CCDC3: variants seen among roughly 807,000 people sequenced by gnomAD.
CCDC3 encodes the protein coiled-coil domain containing 3.
CCDC3 carries 24 observed loss-of-function variants against 21.4 expected under a neutral mutation model. The observed-to-expected ratio is 1.12, with a 90% confidence interval of 0.81 to 1.58. The LOEUF is 1.58. Among genes scored for constraint, CCDC3 ranks in the 40% most tolerant of loss-of-function variants. The probability of loss-of-function intolerance (pLI) is 0.00; values close to 1 mark genes in which losing one functional copy is unlikely to be tolerated. For missense variants in CCDC3, 425 were observed against 360.9 expected, an observed-to-expected ratio of 1.18 and a Z score of -1.44; for synonymous variants, 186 against 166.0, an observed-to-expected ratio of 1.12 and a Z score of -0.93.
intron 5 of CCDC3, among the ~76,000 whole-genome samples, chr10:13,039,389 C>T (rs1836419999): frequency 6.6e-6 from 1 of 150,972 alleles, no homozygotes; most frequent in Non-Finnish European, 1.5e-5. Flanking sequence ...TGCCACTGCA[C>T]TCCAGCCTGG....
intron 2 of CCDC3, among the ~76,000 whole-genome samples, chr10:12,937,551 C>A (rs1371061493): frequency 2.0e-5 from 3 of 152,128 alleles, no homozygotes; most frequent in Non-Finnish European, 4.4e-5. Context: ...CAGCCTCGAC[C>A]TCCTGGGCTC....
chr10:13,018,776 C>CA (rs1258817423), intron 5 of CCDC3, among the ~76,000 whole-genome samples: 3 of 151,374 alleles, frequency 2.0e-5, no homozygotes, highest in East Asian at 1.9e-4. Flanking sequence ...ACTAAAAATA[C>CA]AAAAAAAATC....
chr10:12,975,301 C>T (rs1329272411), intron 2 of CCDC3, among the ~76,000 whole-genome samples: 2 of 152,154 alleles, frequency 1.3e-5, no homozygotes, highest in African/African-American at 2.4e-5. Context: ...ACCCAGACAC[C>T]CCCACTGCCC....
intron 2 of CCDC3, among the ~76,000 whole-genome samples, chr10:12,941,600 G>A (rs1170872002): frequency 6.6e-6 from 1 of 152,136 alleles, no homozygotes; most frequent in East Asian, 1.9e-4. Context: ...TCTCAGAGGA[G>A]TCTGTGACCA....
intron 3 of CCDC3, among the ~76,000 whole-genome samples, chr10:13,098,105 G>A (rs918587043): frequency 6.6e-6 from 1 of 152,086 alleles, no homozygotes; most frequent in Non-Finnish European, 1.5e-5. Flanking sequence ...GTGTGCATGT[G>A]TGTGTGCAGT....
rs552537792 is a variant in CCDC3 at position 13,049,501 on chromosome 10, T to C, written c.-2+173A>G. Among the ~76,000 whole-genome samples the C allele has an allele frequency of 1.2e-4, 19 of 152,284 alleles. No homozygotes were observed. In the East Asian group the frequency reaches 3.1e-3, roughly 25 times the overall value. On this transcript the variant is annotated intron_variant, in intron 5 of 6. Transcript: ENST00000378839. ...CTGGAAAAGTACTAATGAATTTGTA[T>C]GAGGCTCCACAAACCAAGGAGGGCA...
intron 2 of CCDC3, among the ~76,000 whole-genome samples, chr10:12,961,930 A>T (rs182636568): frequency 2.0e-5 from 3 of 152,288 alleles, no homozygotes; most frequent in East Asian, 3.9e-4. Context: ...TAAACCTCTG[A>T]TAAGGAATAA....
At position 13,001,674 on chromosome 10, in the gene CCDC3, G is replaced by T; in HGVS notation, c.-104C>A. On this transcript the variant is annotated 5_prime_UTR_variant, in exon 1 of 3. Coordinates refer to ENST00000378825, the MANE Select transcript of CCDC3 (RefSeq NM_031455.4). ...GCTCGGCTGCTCGGGCCGCTCCCGG[G>T]AGCTGAGCGCACCGCTGTCTCCGCC... The T allele has an allele frequency of 1.3e-6, 1 of 771,036 alleles. No homozygotes were observed. The highest frequency in any genetic ancestry group is 1.6e-6 in the Non-Finnish European group (1 of 624,838). The allele number at this position is 771,036 out of a possible 1,614,324, so 47.8% of individuals were successfully genotyped here. A position where few individuals can be genotyped will look rare whatever the true frequency, so the allele number is the denominator to read the frequency against.
At chr10:13,049,624 C>G (rs148785202) in intron 5 of CCDC3, 160 of 152,254 alleles carry the variant, frequency 1.1e-3, no homozygotes, top group African/African-American at 3.7e-3. Flanking sequence ...TTTTTTTAAA[C>G]GCCCTTTTAT....
intron 3 of CCDC3, among the ~76,000 whole-genome samples, chr10:13,085,896 G>A (rs1004726698): frequency 1.4e-4 from 22 of 151,922 alleles, no homozygotes; most frequent in Admixed American, 5.9e-4. Flanking sequence ...GAATCCGGGA[G>A]CTGGGGGTTG....
rs1041615580 is a variant in CCDC3 at position 12,953,381 on chromosome 10, A to G, written c.549+44957T>C. On this transcript the variant is annotated intron_variant, in intron 2 of 2. Coordinates refer to ENST00000378825, the MANE Select transcript of CCDC3 (RefSeq NM_031455.4). ...GGTGGGGACACAGCCAAACCCTATC[A>G]GACCCCCTCCCGCTCCACTAGCTCA... Among the ~76,000 whole-genome samples, 16 of 152,344 alleles carry G rather than the reference A, an allele frequency of 1.1e-4. No individual in the cohort carries two copies. The East Asian group carries it at 1.3e-3, about 13-fold the overall frequency.
intron 3 of CCDC3, among the ~76,000 whole-genome samples, chr10:13,083,193 C>T (rs1205959881): frequency 6.6e-6 from 1 of 152,278 alleles, no homozygotes; most frequent in Non-Finnish European, 1.5e-5. Context: ...TGTAGAGGAC[C>T]TTTACTGGAC....
At chr10:13,030,009 C>T (rs1037324733) in intron 5 of CCDC3, among the ~76,000 whole-genome samples, 1 of 152,014 alleles carries the variant, frequency 6.6e-6, no homozygotes, top group African/African-American at 2.4e-5. Flanking sequence ...AGATACTCCT[C>T]GAGAAGAGCA....
chr10:13,057,993 T>C, intron 4 of CCDC3: 1 of 690,056 alleles, frequency 1.4e-6, no homozygotes, highest in Non-Finnish European at 2.6e-6. Context: ...GTTACATTGT[T>C]CTTTATATAT....
intron 5 of CCDC3, among the ~76,000 whole-genome samples, chr10:13,019,317 T>A (rs1464383421): frequency 2.0e-5 from 3 of 152,192 alleles, no homozygotes; most frequent in Non-Finnish European, 4.4e-5. Context: ...ATGAAAGCAC[T>A]GCATGAAAAG....
At chr10:12,982,276 T>C (rs1312326523) in intron 2 of CCDC3, among the ~76,000 whole-genome samples, 3 of 151,750 alleles carry the variant, frequency 2.0e-5, no homozygotes, top group Non-Finnish European at 1.5e-5. Flanking sequence ...ATTCCACTTA[T>C]ATAAGGGATC....
At chr10:12,935,818 A>C (rs1299029243) in intron 2 of CCDC3, among the ~76,000 whole-genome samples, 2 of 152,164 alleles carry the variant, frequency 1.3e-5, no homozygotes, top group Non-Finnish European at 2.9e-5. Flanking sequence ...GGCGTGAGCC[A>C]GTGCGCCCGG....
intron 2 of CCDC3, among the ~76,000 whole-genome samples, chr10:12,989,520 C>G (rs777112468): frequency 3.3e-5 from 5 of 152,332 alleles, no homozygotes; most frequent in Admixed American, 6.5e-5. Context: ...CTCCCGGGTT[C>G]AAGCGACTCT....
intron 2 of CCDC3, among the ~76,000 whole-genome samples, chr10:12,960,361 G>C (rs1835163271): frequency 6.6e-6 from 1 of 152,158 alleles, no homozygotes; most frequent in Admixed American, 6.5e-5. Context: ...GAGATGGGGA[G>C]AAAAGCCAGG....
Sources: allele counts gnomAD v4.1 joint callset (sites outside exome capture counted in the v4.1 genomes callset), GRCh38; gene constraint gnomAD v4.1.1; transcripts MANE v1.5; gene names NCBI Gene and HGNC (gene_info 2026-07-23, HGNC 2026-07-21).